Variants in ST6GALNAC3 observed in about 807,000 individuals in gnomAD.
ST6GALNAC3 encodes alpha-N-acetylgalactosaminide alpha-2,6-sialyltransferase 3.
A neutral mutation model predicts 32.7 loss-of-function variants in ST6GALNAC3; 25 were observed. The ratio of observed to expected loss-of-function variants is 0.76; its 90% CI spans 0.56 to 1.07. ST6GALNAC3 has a LOEUF of 1.07. ST6GALNAC3 is among the 50% of genes least tolerant of loss of function. ST6GALNAC3 has a pLI of 0.00. For synonymous variants in ST6GALNAC3, 129 were observed against 133.1 expected, an observed-to-expected ratio of 0.97 and a Z score of 0.21; for missense variants, 355 against 382.4, an observed-to-expected ratio of 0.93 and a Z score of 0.60.
At chr1:76,482,165 CACAT>C (rs781144418) in intron 3 of ST6GALNAC3, among the ~76,000 whole-genome samples, 74 of 151,828 alleles carry the variant, frequency 4.9e-4, no homozygotes, top group Non-Finnish European at 1.9e-4. Context: ...CACACACACA[CACAT>C]GCACTTCATC....
rs114738917 is a variant in ST6GALNAC3, at chr1:76,410,258, C to T, written c.214-1750C>T. ...ACTGGCTCTGCCAGGCTACATTGCT[C>T]TTCCTATTCCTTTCCTGCCTCAGGG... On this transcript the variant is annotated intron_variant, in intron 2 of 4. Coordinates refer to ENST00000328299, the MANE Select transcript of ST6GALNAC3 (RefSeq NM_152996.4). Among the ~76,000 whole-genome samples, 525 of 152,272 alleles carry T rather than the reference C, an allele frequency of 3.4e-3. 2 individuals carry two copies. The highest frequency in any genetic ancestry group is 0.012 in the African/African-American group (514 of 41,582).
chr1:76,316,828 T>A (rs1180809905), intron 2 of ST6GALNAC3, among the ~76,000 whole-genome samples: 2 of 152,134 alleles, frequency 1.3e-5, no homozygotes, highest in African/African-American at 4.8e-5. Flanking sequence ...GAAGGATGTT[T>A]ATTTACCATT....
intron 2 of ST6GALNAC3, among the ~76,000 whole-genome samples, chr1:76,411,653 AAG>A (rs1170241832): frequency 6.6e-6 from 1 of 152,124 alleles, no homozygotes; most frequent in Non-Finnish European, 1.5e-5. Context: ...CCTTATTACA[AAG>A]ATCAAATCTT....
chr1:76,099,764 ATG>A (rs1296310976), intron 1 of ST6GALNAC3, among the ~76,000 whole-genome samples: 1 of 152,180 alleles, frequency 6.6e-6, no homozygotes, highest in Admixed American at 6.5e-5. Context: ...CATCCTAAAA[ATG>A]TATATATTTT....
At chr1:76,187,549 A>C (rs141304243) in intron 1 of ST6GALNAC3, among the ~76,000 whole-genome samples, 3 of 152,324 alleles carry the variant, frequency 2.0e-5, no homozygotes, top group Admixed American at 6.5e-5. Flanking sequence ...GTTTACTACA[A>C]GTGGCAGTGA....
chr1:76,614,237 A>G (rs1198306166), intron 3 of ST6GALNAC3, among the ~76,000 whole-genome samples: 2 of 152,100 alleles, frequency 1.3e-5, no homozygotes, highest in Non-Finnish European at 2.9e-5. Flanking sequence ...ATTGGGATAC[A>G]TTTTCCTAAA....
At chr1:76,427,520 T>TA (rs564836515) in intron 3 of ST6GALNAC3, among the ~76,000 whole-genome samples, 42 of 152,058 alleles carry the variant, frequency 2.8e-4, no homozygotes, top group East Asian at 2.1e-3. Context: ...CATGGAAAAA[T>TA]AAAAAAATTA....
rs1649205438 is a variant in ST6GALNAC3 at position 76,629,960 on chromosome 1, A to G, written c.*1154A>G. ...TAGGGATTTATTTTTCCCATAGTGT[A>G]TCAGTTGTTATGCCACAATAACAAC... On this transcript the variant is annotated 3_prime_UTR_variant, in exon 5 of 5. Transcript: ENST00000328299. 2.0e-6 allele frequency: 2 copies of G among 985,114 alleles called. No homozygotes were observed. The highest frequency in any genetic ancestry group is 2.4e-6 in the Non-Finnish European group (2 of 829,732). 61.0% of individuals were successfully genotyped at this position (985,114 alleles called of 1,614,324 possible).
intron 1 of ST6GALNAC3, among the ~76,000 whole-genome samples, chr1:76,251,807 A>T (rs1300354435): frequency 6.6e-6 from 1 of 151,612 alleles, no homozygotes; most frequent in Non-Finnish European, 1.5e-5. Context: ...TCTACACCAT[A>T]CCTCCATCTA....
chr1:76,093,593 G>A (rs1214455081), intron 1 of ST6GALNAC3, among the ~76,000 whole-genome samples: 1 of 152,174 alleles, frequency 6.6e-6, no homozygotes, highest in Non-Finnish European at 1.5e-5. Context: ...TTATTTTTGA[G>A]CTGAAGGAAA....
chr1:76,375,488 G>A (rs1651150122), intron 2 of ST6GALNAC3, among the ~76,000 whole-genome samples: 1 of 152,176 alleles, frequency 6.6e-6, no homozygotes. Context: ...GCAAGGAGAA[G>A]CCAAGTCATG....
chr1:76,214,585 C>T (rs929019304), intron 1 of ST6GALNAC3, among the ~76,000 whole-genome samples: 13 of 152,152 alleles, frequency 8.5e-5, no homozygotes, highest in African/African-American at 3.1e-4. Context: ...TACACATTTA[C>T]TTCAGTGACT....
chr1:76,095,225 A>C (rs1647110379), intron 1 of ST6GALNAC3, among the ~76,000 whole-genome samples: 1 of 152,110 alleles, frequency 6.6e-6, no homozygotes, highest in South Asian at 2.1e-4. Flanking sequence ...TGTTGTCAGA[A>C]ACAAAATGAA....
chr1:76,479,595 G>A (rs960185007), intron 3 of ST6GALNAC3, among the ~76,000 whole-genome samples: 3 of 152,062 alleles, frequency 2.0e-5, no homozygotes, highest in Non-Finnish European at 4.4e-5. Context: ...GGATAGAAGG[G>A]GGCCAAACTC....
chr1:76,217,591 T>C (rs202133171), intron 1 of ST6GALNAC3, among the ~76,000 whole-genome samples: 2 of 152,160 alleles, frequency 1.3e-5, no homozygotes, highest in East Asian at 3.8e-4. Context: ...TTAGTAGTGA[T>C]TTCTGAGATT....
chr1:76,610,908 A>C (rs993842601), intron 3 of ST6GALNAC3, among the ~76,000 whole-genome samples: 1 of 152,202 alleles, frequency 6.6e-6, no homozygotes, highest in African/African-American at 2.4e-5. Context: ...CCAGCCTCAT[A>C]GCAGGCGCCC....
intron 1 of ST6GALNAC3, among the ~76,000 whole-genome samples, chr1:76,203,242 A>C (rs1654632461): frequency 6.6e-6 from 1 of 152,184 alleles, no homozygotes; most frequent in Non-Finnish European, 1.5e-5. Flanking sequence ...CAAATAAATC[A>C]GAATCTGCGC....
chr1:76,127,478 T>G (rs1264677330), intron 1 of ST6GALNAC3, among the ~76,000 whole-genome samples: 7 of 152,250 alleles, frequency 4.6e-5, no homozygotes, highest in Admixed American at 2.6e-4. Context: ...AGGTTCTGTC[T>G]TTATTTACAA....
intron 1 of ST6GALNAC3, among the ~76,000 whole-genome samples, chr1:76,094,814 C>T (rs894522570): frequency 1.3e-5 from 2 of 152,096 alleles, no homozygotes; most frequent in African/African-American, 4.8e-5. Context: ...TGGGTGCAAT[C>T]AATTCTTGCT....
Sources: allele counts gnomAD v4.1 joint callset (sites outside exome capture counted in the v4.1 genomes callset), GRCh38; gene constraint gnomAD v4.1.1; transcripts MANE v1.5; gene names NCBI Gene and HGNC (gene_info 2026-07-23, HGNC 2026-07-21).